The following TENM2 variants were observed in gnomAD, a reference collection of about 807,000 sequenced individuals.
TENM2 encodes the protein teneurin-2.
TENM2 carries 52 observed loss-of-function variants against 245.2 expected under a neutral mutation model. The observed-to-expected ratio is 0.21, with a 90% CI of 0.17 to 0.27. The LOEUF (loss-of-function observed/expected upper bound fraction) is 0.27. TENM2 is among the 10% of genes least tolerant of loss of function. The pLI is 1.00. For synonymous variants in TENM2, 1,363 were observed against 1,438.9 expected (o/e 0.95, Z 1.19); for missense variants, 3,046 against 3,666.8 (o/e 0.83, Z 4.37).
chr5:167,040,765 G>A, the TENM2 span, among the ~76,000 whole-genome samples: 1 of 151,988 alleles, frequency 6.6e-6, no homozygotes, highest in African/African-American at 2.4e-5. Flanking sequence ...TTGTTTTACT[G>A]CCGTTAGAAG....
intron 4 of TENM2, among the ~76,000 whole-genome samples, chr5:167,962,680 A>T (rs1009126375): frequency 5.3e-5 from 8 of 152,136 alleles, no homozygotes; most frequent in African/African-American, 1.4e-4. Flanking sequence ...AGGGAAGCAA[A>T]CACACTCTTC....
At chr5:167,264,201 A>G in the TENM2 span, among the ~76,000 whole-genome samples, 160 of 152,090 alleles carry the variant, frequency 1.1e-3, 1 homozygote, top group Non-Finnish European at 6.6e-4. Context: ...AATTCTTATA[A>G]TAATTAAGAC....
chr5:167,673,412 G>A (rs114672780), intron 2 of TENM2, among the ~76,000 whole-genome samples: 2,006 of 152,190 alleles, frequency 0.013, 40 homozygotes, highest in African/African-American at 0.045. Context: ...TGAGAAGGAT[G>A]CTGGTCCTCT....
chr5:167,089,413 C>T, the TENM2 span, among the ~76,000 whole-genome samples: 1 of 151,988 alleles, frequency 6.6e-6, no homozygotes, highest in South Asian at 2.1e-4. Flanking sequence ...TTGGTTTATC[C>T]TTAAATTGAA....
At chr5:168,029,984 G>A (rs1786968747) in intron 5 of TENM2, among the ~76,000 whole-genome samples, 1 of 152,046 alleles carries the variant, frequency 6.6e-6, no homozygotes, top group Non-Finnish European at 1.5e-5. Flanking sequence ...TGATGGGAAA[G>A]CATTCATACA....
the TENM2 span, among the ~76,000 whole-genome samples, chr5:167,209,076 TAAGTCACA>T: frequency 6.6e-6 from 1 of 152,194 alleles, no homozygotes; most frequent in Non-Finnish European, 1.5e-5. Context: ...GTTAGTGGTA[TAAGTCACA>T]CCATGTTGGC....
chr5:167,848,899 T>C (rs1388422262), intron 2 of TENM2, among the ~76,000 whole-genome samples: 3 of 152,122 alleles, frequency 2.0e-5, no homozygotes, highest in African/African-American at 7.2e-5. Context: ...AGCAGGCTAG[T>C]TTTTTGTTTG....
At chr5:168,122,075 G>A (rs901975250) in intron 10 of TENM2, among the ~76,000 whole-genome samples, 1 of 152,206 alleles carries the variant, frequency 6.6e-6, no homozygotes, top group Non-Finnish European at 1.5e-5. Context: ...AGCACAGTCT[G>A]TCCTTCATTC....
intron 2 of TENM2, among the ~76,000 whole-genome samples, chr5:167,820,465 A>G (rs1213269728): frequency 6.6e-6 from 1 of 152,170 alleles, no homozygotes. Flanking sequence ...ATTGAGTGGT[A>G]CTTTTGAAAC....
At chr5:167,519,009 A>C (rs1434600553) in intron 2 of TENM2, among the ~76,000 whole-genome samples, 1 of 152,112 alleles carries the variant, frequency 6.6e-6, no homozygotes, top group African/African-American at 2.4e-5. Flanking sequence ...GTTCCTGTAG[A>C]GAGAGCATGA....
chr5:167,683,260 TCCCCC>T (rs113505215), intron 2 of TENM2, among the ~76,000 whole-genome samples: 3 of 147,832 alleles, frequency 2.0e-5, no homozygotes, highest in African/African-American at 2.5e-5. Context: ...TTTTTTTTTT[TCCCCC>T]CCTGGGCATC....
intron 2 of TENM2, among the ~76,000 whole-genome samples, chr5:167,492,553 A>G (rs1768500978): frequency 6.6e-6 from 1 of 152,116 alleles, no homozygotes; most frequent in African/African-American, 2.4e-5. Flanking sequence ...CTGTAGTTTT[A>G]TAGAATTTAT....
chr5:167,782,561 CTT>C (rs1764270796), intron 2 of TENM2, among the ~76,000 whole-genome samples: 1 of 152,052 alleles, frequency 6.6e-6, no homozygotes. Context: ...AAGTTCAGCT[CTT>C]TGCGTCACAC....
the TENM2 span, among the ~76,000 whole-genome samples, chr5:167,088,091 G>T: frequency 4.1e-4 from 63 of 152,184 alleles, no homozygotes; most frequent in African/African-American, 1.5e-3. Flanking sequence ...CCCAGCCATG[G>T]AGCAATATCT....
the TENM2 span, among the ~76,000 whole-genome samples, chr5:167,154,856 CAG>C: frequency 6.6e-6 from 1 of 152,138 alleles, no homozygotes; most frequent in African/African-American, 2.4e-5. Flanking sequence ...AAGTAATTAG[CAG>C]AGTGTTGGGC....
At chr5:167,840,512 T>C (rs1769402878) in intron 2 of TENM2, among the ~76,000 whole-genome samples, 2 of 152,168 alleles carry the variant, frequency 1.3e-5, no homozygotes, top group South Asian at 4.1e-4. Context: ...AAGTTCATCC[T>C]GGAGCACCTA....
chr5:167,617,364 G>A lies in TENM2; in HGVS notation c.502+241891G>A, dbSNP rs556894408. Reference sequence around the variant, plus strand: ...GGGTTTGATAACGTACTATAGTTACGTAAAATGATCTTGGAGAAAACTGAA... The same window carrying A: ...GGGTTTGATAACGTACTATAGTTACATAAAATGATCTTGGAGAAAACTGAA... On this transcript the variant is annotated intron_variant, in intron 2 of 28. Transcript: ENST00000518659. 9.9e-5 allele frequency among the ~76,000 whole-genome samples: 15 copies of A among 152,252 alleles called. No individual in the cohort carries two copies. The South Asian group carries it at 1.2e-3, about 13-fold the overall frequency.
At chr5:167,187,814 A>G in the TENM2 span, among the ~76,000 whole-genome samples, 4 of 151,980 alleles carry the variant, frequency 2.6e-5, no homozygotes, top group Non-Finnish European at 4.4e-5. Context: ...CCTCCTTCCC[A>G]TTATAAAGAG....
chr5:167,053,115 T>C, the TENM2 span, among the ~76,000 whole-genome samples: 2 of 152,180 alleles, frequency 1.3e-5, no homozygotes, highest in Non-Finnish European at 2.9e-5. Flanking sequence ...TCCTCCCATT[T>C]CTATCTGGTG....
Sources: allele counts gnomAD v4.1 joint callset (sites outside exome capture counted in the v4.1 genomes callset), GRCh38; gene constraint gnomAD v4.1.1; transcripts MANE v1.5; gene names NCBI Gene and HGNC (gene_info 2026-07-23, HGNC 2026-07-21).